TIMM23B: variants seen among roughly 807,000 people sequenced by gnomAD.
The protein encoded by TIMM23B is mitochondrial import inner membrane translocase subunit Tim23B.
A neutral mutation model predicts 27.3 loss-of-function variants in TIMM23B; 27 were observed. The observed-to-expected ratio is 0.99, with a 90% CI of 0.73 to 1.36. The LOEUF (loss-of-function observed/expected upper bound fraction) is 1.36. Among genes scored for constraint, TIMM23B ranks in the 40% most tolerant of loss-of-function variants. The pLI is 0.00. For missense variants in TIMM23B, 205 were observed against 244.2 expected, an observed-to-expected ratio of 0.84 and a Z score of 1.07; for synonymous variants, 73 against 92.4, an observed-to-expected ratio of 0.79 and a Z score of 1.21.
At chr10:49,967,799 C>G in intron 6 of TIMM23B, among the ~76,000 whole-genome samples, 1 of 149,984 alleles carries the variant, frequency 6.7e-6, no homozygotes, top group Non-Finnish European at 1.5e-5. Context: ...TATAATATGC[C>G]TTAAGTTAGA....
At chr10:49,968,740 C>A (rs1372723247) in intron 6 of TIMM23B, among the ~76,000 whole-genome samples, 3 of 152,110 alleles carry the variant, frequency 2.0e-5, no homozygotes, top group Admixed American at 2.0e-4. Context: ...GAGGCTGAGA[C>A]AGGAGAATGG....
At chr10:49,953,146 C>T (rs1368646291) in intron 4 of TIMM23B, among the ~76,000 whole-genome samples, 1 of 152,090 alleles carries the variant, frequency 6.6e-6, no homozygotes, top group African/African-American at 2.4e-5. Context: ...TGGCCAGTCC[C>T]TCTTGATATT....
At position 49,966,619 on chromosome 10, in the gene TIMM23B, A is replaced by T. The variant is rs1359861940; in HGVS notation, c.515-6393A>T. 2.0e-5 allele frequency among the ~76,000 whole-genome samples: 3 copies of T among 152,084 alleles called. No homozygotes were observed. In the East Asian group the frequency reaches 5.8e-4, roughly 29 times the overall value. On this transcript the variant is annotated intron_variant, in intron 6 of 6. Transcript: ENST00000651259. ...GGCAGGTGGATCACCTGAGGTCAGG[A>T]GTTCAAGACCAGCCTGGCCAACATG...
chr10:49,961,284 G>A (rs1839889079), intron 6 of TIMM23B, among the ~76,000 whole-genome samples: 1 of 148,762 alleles, frequency 6.7e-6, no homozygotes, highest in South Asian at 2.1e-4. Flanking sequence ...TCGGGAGGCT[G>A]AGGCAGGAGA....
Position 49,973,916 on chromosome 10 carries a change from C to T in TIMM23B, c.*852C>T, listed in dbSNP as rs1840557313. The T allele has an allele frequency of 7.4e-6, 1 of 134,606 alleles. No individual in the cohort carries two copies. The highest frequency in any genetic ancestry group is 1.6e-5 in the Non-Finnish European group (1 of 63,234). The allele number at this position is 134,606 out of a possible 1,614,324, so 8.3% of individuals were successfully genotyped here. A position where few individuals can be genotyped will look rare whatever the true frequency, so the allele number is the denominator to read the frequency against. On this transcript the variant is annotated 3_prime_UTR_variant, in exon 7 of 7. Coordinates refer to ENST00000651259, the MANE Select transcript of TIMM23B (RefSeq NM_001290117.2). ...TCCCGGCTTCAAGCAGTTCTCCTGC[C>T]TCAGCCTCCCAAGTAGCTGGGACTA...
rs1264408412 is a variant in TIMM23B, at chr10:49,942,188, C to G, written c.-7C>G. ...GCGGCGGGAACCACTCGGTTTGCTG[C>G]GATACCATGGAAGGAGGCGGGGGAA... On this transcript the variant is annotated 5_prime_UTR_variant, in exon 1 of 7. Transcript: ENST00000651259. 6 of 1,593,228 alleles carry G rather than the reference C, an allele frequency of 3.8e-6. No homozygotes were observed. The highest frequency in any genetic ancestry group is 4.6e-5 in the East Asian group (2 of 43,890).
chr10:49,950,171 C>A, intron 2 of TIMM23B, among the ~76,000 whole-genome samples: 2 of 150,470 alleles, frequency 1.3e-5, no homozygotes, highest in Non-Finnish European at 1.5e-5. Context: ...GTGTTAAACA[C>A]GCAAAATTAT....
chr10:49,960,978 T>A (rs2133084662), intron 6 of TIMM23B, among the ~76,000 whole-genome samples: 1 of 150,280 alleles, frequency 6.7e-6, no homozygotes, highest in African/African-American at 2.4e-5. Flanking sequence ...TGAGGAAGAT[T>A]AAGTTAGAAG....
chr10:49,942,528 C>T (rs1839157795), intron 1 of TIMM23B, among the ~76,000 whole-genome samples: 2 of 152,110 alleles, frequency 1.3e-5, no homozygotes, highest in African/African-American at 4.8e-5. Context: ...GACCTGGACT[C>T]GCGAGATGAT....
intron 6 of TIMM23B, among the ~76,000 whole-genome samples, chr10:49,965,443 T>C (rs1197876000): frequency 6.9e-6 from 1 of 144,390 alleles, no homozygotes; most frequent in African/African-American, 2.6e-5. Context: ...AATGAAAAAA[T>C]GAAATAATAA....
At chr10:49,950,645 A>G (rs1839498247) in intron 2 of TIMM23B, among the ~76,000 whole-genome samples, 2 of 150,836 alleles carry the variant, frequency 1.3e-5, no homozygotes, top group East Asian at 2.0e-4. Context: ...GGGTTCAAGC[A>G]ATTCTCCTGC....
intron 1 of TIMM23B, 107 bp downstream of exon 1, chr10:49,942,407 T>C: frequency 6.5e-7 from 1 of 1,541,120 alleles, no homozygotes; most frequent in Non-Finnish European, 8.8e-7. Context: ...CTTGCTGGCG[T>C]TTACAAGCTT....
At chr10:49,954,747 T>C (rs1211379507) in intron 4 of TIMM23B, among the ~76,000 whole-genome samples, 7 of 148,832 alleles carry the variant, frequency 4.7e-5, no homozygotes, top group African/African-American at 7.3e-5. Context: ...TTATTATTAT[T>C]ATTATTATTA....
intron 5 of TIMM23B, among the ~76,000 whole-genome samples, chr10:49,957,474 T>C (rs1261273000): frequency 1.5e-4 from 23 of 152,234 alleles, no homozygotes; most frequent in African/African-American, 5.3e-4. Context: ...CAGACTGGTC[T>C]CTGACTCCTG....
rs1196842306 is a variant in TIMM23B at position 49,945,136 on chromosome 10, T to A, written c.165+46T>A. On this transcript the variant is annotated intron_variant, in intron 2 of 6. Coordinates refer to ENST00000651259, the MANE Select transcript of TIMM23B (RefSeq NM_001290117.2). ...GTTTGGTGCATTATTTTACCATTTT[T>A]AAAAAAACGCCAAGTGCTATGCTGA... 3.2e-4 allele frequency: 513 copies of A among 1,601,446 alleles called. 7 individuals are homozygous for A. In the South Asian group the frequency reaches 5.2e-3, roughly 16 times the overall value.
At chr10:49,955,961 G>C (rs1839705698) in intron 5 of TIMM23B, among the ~76,000 whole-genome samples, 1 of 152,098 alleles carries the variant, frequency 6.6e-6, no homozygotes, top group Non-Finnish European at 1.5e-5. Flanking sequence ...TGTATACCTA[G>C]AGTAGTCAGC....
At position 49,942,168 on chromosome 10, in the gene TIMM23B, G is replaced by C. The variant is rs1214904732; in HGVS notation, c.-27G>C. On this transcript the variant is annotated 5_prime_UTR_variant, in exon 1 of 7. Coordinates refer to ENST00000651259, the MANE Select transcript of TIMM23B (RefSeq NM_001290117.2). Reference sequence around the variant, plus strand: ...GACCACCCAGGCTTGAGGCAGCGGCGGGAACCACTCGGTTTGCTGCGATAC... The same window carrying C: ...GACCACCCAGGCTTGAGGCAGCGGCCGGAACCACTCGGTTTGCTGCGATAC... 1.6e-5 allele frequency: 25 copies of C among 1,567,610 alleles called. No individual in the cohort carries two copies. Among genetic ancestry groups the C allele is most frequent in the Non-Finnish European group, 2.1e-5 (24 of 1,153,504 alleles).
chr10:49,959,158 T>C (rs1365730780), intron 6 of TIMM23B, among the ~76,000 whole-genome samples: 2 of 152,190 alleles, frequency 1.3e-5, no homozygotes, highest in Non-Finnish European at 2.9e-5. Flanking sequence ...TTTATGGTGG[T>C]TTTTTGACAT....
intron 6 of TIMM23B, among the ~76,000 whole-genome samples, chr10:49,968,621 T>C (rs1337450878): frequency 1.3e-5 from 2 of 152,100 alleles, no homozygotes; most frequent in African/African-American, 4.8e-5. Context: ...GATCACAAGG[T>C]CAGGAGATTG....
Sources: allele counts gnomAD v4.1 joint callset (sites outside exome capture counted in the v4.1 genomes callset), GRCh38; gene constraint gnomAD v4.1.1; transcripts MANE v1.5; gene names NCBI Gene and HGNC (gene_info 2026-07-23, HGNC 2026-07-21).